Variants in CNTNAP1 observed in about 807,000 individuals in gnomAD.
The protein encoded by CNTNAP1 is contactin-associated protein 1.
CNTNAP1 carries 80 observed loss-of-function variants against 161.5 expected under a neutral mutation model. The observed-to-expected ratio is 0.50, with a 90% confidence interval of 0.41 to 0.60. The LOEUF is 0.60. CNTNAP1 is among the 20% of genes least tolerant of loss of function. CNTNAP1 has a pLI of 0.00. For missense variants in CNTNAP1, 1,464 were observed against 1,854.8 expected (o/e 0.79, Z 3.87); for synonymous variants, 695 against 733.1 (o/e 0.95, Z 0.84).
In CNTNAP1 at chr17:42,685,911, G is replaced by A. The variant is rs374035394; in HGVS notation, c.716-46G>A. On this transcript the variant is annotated intron_variant, in intron 5 of 23. Coordinates refer to ENST00000264638, the MANE Select transcript of CNTNAP1 (RefSeq NM_003632.3). This position sits in a 1 kb window ranked among gnomAD's most constrained non-coding sequence, Gnocchi z 5.0. The stretch of plus-strand genomic sequence containing the variant: ...TCTGCCTAGGAGCTTGGACTCCATG[G>A]AGTTCTCCTGGCTTGAGGTTTCACT... 1 of 1,600,470 alleles carries A rather than the reference G, an allele frequency of 6.2e-7. No individual in the cohort carries two copies. Among genetic ancestry groups the A allele is most frequent in the Non-Finnish European group, 8.5e-7 (1 of 1,169,716 alleles).
chr17:42,693,335 T>C lies in CNTNAP1; in HGVS notation c.2791T>C (p.Leu931=). The C allele has an allele frequency of 6.2e-7, 1 of 1,614,228 alleles. No individual in the cohort carries two copies. Among genetic ancestry groups the C allele is most frequent in the Non-Finnish European group, 8.5e-7 (1 of 1,180,032 alleles). Residue 931 remains leucine, a synonymous_variant, in exon 18 of 24, where the codon TTG becomes CTG. Coordinates refer to ENST00000264638, the MANE Select transcript of CNTNAP1 (RefSeq NM_003632.3). ...ELKRRPFVGC[L]RAMRLNGVTL... Reference sequence around the variant, plus strand: ...TAAGAGACGCCCCTTTGTGGGTTGCTTGAGGGCCATGCGTCTGAACGGAGT... The same window carrying C: ...TAAGAGACGCCCCTTTGTGGGTTGCCTGAGGGCCATGCGTCTGAACGGAGT...
At chr17:42,686,519 A>G (rs1247093939) in intron 6 of CNTNAP1, among the ~76,000 whole-genome samples, 1 of 116,274 alleles carries the variant, frequency 8.6e-6, no homozygotes, top group Non-Finnish European at 1.7e-5. Flanking sequence ...GTTAGCATGC[A>G]GACTCCCAGG....
intron 3 of CNTNAP1, 144 bp from the exon 4 acceptor site, chr17:42,684,847 C>A: frequency 2.2e-6 from 2 of 894,534 alleles, no homozygotes; most frequent in African/African-American, 1.7e-5. Flanking sequence ...ATTGTTTGAA[C>A]CCGGGAGGCA....
Position 42,696,133 on chromosome 17 carries a change from A to C in CNTNAP1, c.3455A>C (p.Tyr1152Ser). The change falls in exon 20 of 24, where the codon TAC (tyrosine) becomes TCC (serine). Residue 1152 changes from tyrosine to serine, a missense_variant. Physicochemically the swap from Tyr to Ser is moderately radical, Grantham distance 144 (BLOSUM62 -2). Around this residue, in one of 3 missense-constraint regions of CNTNAP1, gnomAD observed 1,383 missense variants for 1,765.0 expected, o/e 0.78. Transcript: ENST00000264638. ...QPHSINITRVYRNLFIQVDYF... is the reference protein window; with the variant it reads ...QPHSINITRVSRNLFIQVDYF... ...CATAGCATCAATATCACCCGTGTTT[A>C]CCGGAACCTCTTCATCCAGGTATGC... 1 of 1,614,138 alleles carries C rather than the reference A, an allele frequency of 6.2e-7. No individual in the cohort carries two copies. Among genetic ancestry groups the C allele is most frequent in the Non-Finnish European group, 8.5e-7 (1 of 1,180,024 alleles).
chr17:42,686,095 G>C lies in CNTNAP1; in HGVS notation c.854G>C (p.Arg285Pro). 6.2e-7 allele frequency: 1 copy of C among 1,614,216 alleles called. No homozygotes were observed. The highest frequency in any genetic ancestry group is 8.5e-7 in the Non-Finnish European group (1 of 1,180,042). The change falls in exon 6 of 24, where the codon CGC (arginine) becomes CCC (proline). Residue 285 changes from arginine to proline, a missense_variant. By Grantham distance (103) the Arg-to-Pro change is moderately radical (BLOSUM62 -2). Transcript: ENST00000264638. ...VNFTLDGYVQ[R>P]FILNGDFERL... ...TTCACCCTGGACGGCTATGTGCAGC[G>C]CTTTATTCTCAATGGAGACTTCGAG... is the stretch of plus-strand genomic sequence containing the variant.
In CNTNAP1 at chr17:42,687,695, G is replaced by C. The variant is rs746140717; in HGVS notation, c.1045-25G>C. Reference sequence around the variant, plus strand: ...GAGGCAGAGGCGGCTCACGGGTGTTGATGCGTCTTCACTTTTGCCCCTAGG... The same window carrying C: ...GAGGCAGAGGCGGCTCACGGGTGTTCATGCGTCTTCACTTTTGCCCCTAGG... On this transcript the variant is annotated intron_variant, in intron 7 of 23. Transcript: ENST00000264638. The surrounding 1 kb of genome is among the most constrained non-coding windows in gnomAD (Gnocchi z 4.7). 5 of 1,610,306 alleles carry C rather than the reference G, an allele frequency of 3.1e-6. No individual in the cohort carries two copies. In the African/African-American group the frequency reaches 5.3e-5, roughly 17 times the overall value.
chr17:42,682,680 G>T lies in CNTNAP1; in HGVS notation c.-150G>T. ...GAGAGAGGAGAGACAGAGCGCTTGG[G>T]GGCGAAAGGAGAGAGGGAGGGAAGG... On this transcript the variant is annotated 5_prime_UTR_variant, in exon 1 of 24. Coordinates refer to ENST00000264638, the MANE Select transcript of CNTNAP1 (RefSeq NM_003632.3). 1 of 713,036 alleles carries T rather than the reference G, an allele frequency of 1.4e-6. No individual in the cohort carries two copies. The highest frequency in any genetic ancestry group is 2.4e-6 in the Non-Finnish European group (1 of 415,046). 44.2% of individuals were successfully genotyped at this position (713,036 alleles called of 1,614,324 possible).
In CNTNAP1 at chr17:42,686,403, T is replaced by C. The variant is rs558577094; in HGVS notation, c.900+262T>C. Among the ~76,000 whole-genome samples the C allele has an allele frequency of 1.1e-4, 16 of 149,198 alleles. No homozygotes were observed. The East Asian group carries it at 3.0e-3, about 28-fold the overall frequency. ...AAAAAAATTTTTTTTTTCAAAGACC[T>C]CGCATTCCAATTCCTGAATATCCTA... On this transcript the variant is annotated intron_variant, in intron 6 of 23. Coordinates refer to ENST00000264638, the MANE Select transcript of CNTNAP1 (RefSeq NM_003632.3).
intron 10 of CNTNAP1, 64 bp from the exon 11 acceptor site, chr17:42,689,457 G>C: frequency 7.7e-7 from 1 of 1,294,136 alleles, no homozygotes; most frequent in Non-Finnish European, 1.1e-6. Flanking sequence ...AAGCTTGCAG[G>C]GATCAGACCC....
rs571257213 is a variant in CNTNAP1 at position 42,690,678 on chromosome 17, C to T, written c.1856-61C>T. The T allele has an allele frequency of 9.1e-4, 1,392 of 1,537,560 alleles. 23 individuals carry two copies. The South Asian group carries it at 0.015, about 17-fold the overall frequency. ...TTGCAGCAGCGGTGGTGGAGGTGGG[C>T]AGGGAGATGGGTAGAGAATGCCCAA... On this transcript the variant is annotated intron_variant, in intron 12 of 23. Transcript: ENST00000264638.
chr17:42,696,583 A>G (rs2053155429), intron 20 of CNTNAP1, among the ~76,000 whole-genome samples: 2 of 152,194 alleles, frequency 1.3e-5, no homozygotes, highest in East Asian at 3.8e-4. Flanking sequence ...TCAGCCTCCC[A>G]AAGTGCTGGG....
At chr17:42,683,658 C>T in intron 1 of CNTNAP1, 163 bp from the exon 2 acceptor site, 2 of 1,435,608 alleles carry the variant, frequency 1.4e-6, no homozygotes, top group Admixed American at 2.8e-5. Context: ...GCAGCTGTTG[C>T]TGCAGCCAGG....
At position 42,688,556 on chromosome 17, in the gene CNTNAP1, G is replaced by A. The variant is rs1333246931; in HGVS notation, c.1401G>A (p.Glu467=). The change falls in exon 9 of 24, where the codon GAG becomes GAA. Residue 467 remains glutamate (E), a synonymous_variant. Coordinates refer to ENST00000264638, the MANE Select transcript of CNTNAP1 (RefSeq NM_003632.3). Reference sequence around the variant, plus strand: ...GCATTGATGATGTGGAAGGGGCAGAGGTCAGGGTCTCATACCCGTTGCTGA... The same window carrying A: ...GCATTGATGATGTGGAAGGGGCAGAAGTCAGGGTCTCATACCCGTTGCTGA... ...VISIDDVEGA[E]VRVSYPLLIR... is the part of the protein sequence containing the mutation. 2 of 1,614,112 alleles carry A rather than the reference G, an allele frequency of 1.2e-6. No homozygotes were observed. Among genetic ancestry groups the A allele is most frequent in the African/African-American group, 1.3e-5 (1 of 74,946 alleles).
At position 42,691,070 on chromosome 17, in the gene CNTNAP1, A is replaced by T. The variant is rs2053080185; in HGVS notation, c.2060-67A>T. On this transcript the variant is annotated intron_variant, in intron 13 of 23. Coordinates refer to ENST00000264638, the MANE Select transcript of CNTNAP1 (RefSeq NM_003632.3). The surrounding 1 kb of genome is among the most constrained non-coding windows in gnomAD (Gnocchi z 4.3). ...CAAGGAGGGGTCTGAACTCGCTGGA[A>T]GGGCGAGAGGAGCCCAGAGGCTAAT... 6.3e-7 allele frequency: 1 copy of T among 1,597,498 alleles called. No individual in the cohort carries two copies. The highest frequency in any genetic ancestry group is 8.5e-7 in the Non-Finnish European group (1 of 1,171,060).
At position 42,690,209 on chromosome 17, in the gene CNTNAP1, T is replaced by C; in HGVS notation, c.1855+2T>C. 1 of 1,613,544 alleles carries C rather than the reference T, an allele frequency of 6.2e-7. No homozygotes were observed. The highest frequency in any genetic ancestry group is 8.5e-7 in the Non-Finnish European group (1 of 1,179,794). On this transcript the variant is annotated splice_donor_variant, in intron 12 of 23. Coordinates refer to ENST00000264638, the MANE Select transcript of CNTNAP1 (RefSeq NM_003632.3). LOFTEE classifies it high-confidence loss of function. ...TTGTAGTGTACTGTGATATCCGAGGTAAGTGTCTCTGTTGGGTGGTGAGGG... is the reference window on the plus strand; with the variant it reads ...TTGTAGTGTACTGTGATATCCGAGGCAAGTGTCTCTGTTGGGTGGTGAGGG...
rs1008347706 is a variant in CNTNAP1 at position 42,684,133 on chromosome 17, C to T, written c.267C>T (p.Gly89=). ...GGATCCGGGCCGTGGCCACACAGGG[C>T]TCCTTTAATTCTTGGGACTGGGTCA... ...KHRIRAVATQ[G]SFNSWDWVTR... Residue 89 remains glycine (G), a synonymous_variant, in exon 3 of 24, where the codon GGC becomes GGT. Transcript: ENST00000264638. 9.3e-6 allele frequency: 15 copies of T among 1,614,192 alleles called. No individual in the cohort carries two copies. Among genetic ancestry groups the T allele is most frequent in the African/African-American group, 1.3e-5 (1 of 75,062 alleles).
chr17:42,686,482 T>TTTG (rs2053015418), intron 6 of CNTNAP1, among the ~76,000 whole-genome samples: 1 of 137,792 alleles, frequency 7.3e-6, no homozygotes, highest in Admixed American at 7.0e-5. Context: ...TTTTTTTTTT[T>TTTG]TTTTTTTTTT....
intron 10 of CNTNAP1, 67 bp from the exon 11 acceptor site, chr17:42,689,454 C>T: frequency 1.6e-6 from 2 of 1,260,910 alleles, no homozygotes; most frequent in Non-Finnish European, 1.1e-6. Flanking sequence ...GTGAAGCTTG[C>T]AGGGATCAGA....
rs1597804331 is a variant in CNTNAP1, at chr17:42,685,525, C to G, written c.715+105C>G. The G allele has an allele frequency of 1.8e-6, 2 of 1,123,516 alleles. No homozygotes were observed. The highest frequency in any genetic ancestry group is 3.1e-5 in the African/African-American group (2 of 64,874). The allele number at this position is 1,123,516 out of a possible 1,614,324, so 69.6% of individuals were successfully genotyped here. On this transcript the variant is annotated intron_variant, in intron 5 of 23. Coordinates refer to ENST00000264638, the MANE Select transcript of CNTNAP1 (RefSeq NM_003632.3). This position sits in a 1 kb window ranked among gnomAD's most constrained non-coding sequence, Gnocchi z 5.0. ...CATCCGCGCTCAGCCTGGTCTTCCACTTCTCTAAGGCCTGGACCAAACTGC... is the reference window on the plus strand; with the variant it reads ...CATCCGCGCTCAGCCTGGTCTTCCAGTTCTCTAAGGCCTGGACCAAACTGC...
Sources: gnomAD v4.1 joint callset for allele counts (sites outside exome capture counted in the v4.1 genomes callset) on GRCh38, gnomAD v4.1.1 for gene constraint, gnomAD v4.1.1 regional missense constraint, Gnocchi (gnomAD v3.1) non-coding constraint, MANE v1.5 for transcripts, NCBI Gene and HGNC (gene_info 2026-07-23, HGNC 2026-07-21) for gene names.